FOXN3: variants seen among roughly 807,000 people sequenced by gnomAD.
FOXN3 encodes forkhead box N3, also known as forkhead box protein N3.
In FOXN3, 7 loss-of-function variants were observed where a neutral mutation model predicts 38.4. That is an observed-to-expected ratio of 0.18 (90% CI 0.10 to 0.34). The LOEUF (loss-of-function observed/expected upper bound fraction) is 0.34, where lower values mean the gene tolerates loss of function less well. Ranked by LOEUF, FOXN3 falls within the 10% of genes least tolerant of loss-of-function variation. The pLI is 1.00. For missense variants in FOXN3, 456 were observed against 613.4 expected, an observed-to-expected ratio of 0.74 and a Z score of 2.71; for synonymous variants, 230 against 242.2, an observed-to-expected ratio of 0.95 and a Z score of 0.47.
At chr14:89,222,670 A>C (rs1215112426) in intron 4 of FOXN3, among the ~76,000 whole-genome samples, 1 of 152,198 alleles carries the variant, frequency 6.6e-6, no homozygotes, top group African/African-American at 2.4e-5. Context: ...CCGGGAAGGC[A>C]GCCCCACCTT....
At chr14:89,455,147 G>T (rs892816752) in intron 1 of FOXN3, among the ~76,000 whole-genome samples, 3 of 152,314 alleles carry the variant, frequency 2.0e-5, no homozygotes, top group Non-Finnish European at 4.4e-5. Context: ...GAGATTAAAG[G>T]CCTGATGAGA....
chr14:89,335,001 A>G (rs1242284515), intron 3 of FOXN3, among the ~76,000 whole-genome samples: 1 of 151,736 alleles, frequency 6.6e-6, no homozygotes, highest in African/African-American at 2.4e-5. Context: ...TCCTGACCCC[A>G]TGATCTGCCC....
At chr14:89,470,705 G>T (rs1034325223) in intron 1 of FOXN3, among the ~76,000 whole-genome samples, 4 of 152,140 alleles carry the variant, frequency 2.6e-5, no homozygotes, top group Non-Finnish European at 5.9e-5. Context: ...CATAACTAAG[G>T]CCCCCATGGA....
intron 3 of FOXN3, among the ~76,000 whole-genome samples, chr14:89,322,525 G>A (rs1432923056): frequency 6.6e-6 from 1 of 152,156 alleles, no homozygotes; most frequent in Non-Finnish European, 1.5e-5. Context: ...GTTCTTGTCT[G>A]GAGGGGGCTG....
At chr14:89,365,105 G>A (rs987695920) in intron 2 of FOXN3, among the ~76,000 whole-genome samples, 1 of 152,152 alleles carries the variant, frequency 6.6e-6, no homozygotes, top group African/African-American at 2.4e-5. Flanking sequence ...ATTTCCCCGA[G>A]CTTCCGCTTT....
chr14:89,436,973 C>A (rs1291474939), intron 1 of FOXN3, among the ~76,000 whole-genome samples: 1 of 152,002 alleles, frequency 6.6e-6, no homozygotes, highest in East Asian at 1.9e-4. Context: ...ATGGTGAAAC[C>A]CCGTCTCTAC....
intron 2 of FOXN3, among the ~76,000 whole-genome samples, chr14:89,352,555 G>A (rs532566926): frequency 3.3e-5 from 5 of 152,240 alleles, no homozygotes; most frequent in South Asian, 4.1e-4. Flanking sequence ...GTGGAGCCCT[G>A]GGCCAGTGGG....
chr14:89,576,400 C>T (rs1330778806), intron 1 of FOXN3: 1 of 152,092 alleles, frequency 6.6e-6, no homozygotes, highest in African/African-American at 2.4e-5. Flanking sequence ...TCAAATGGTG[C>T]TCCTGTGAAG....
chr14:89,339,626 G>C (rs59411830), intron 3 of FOXN3, among the ~76,000 whole-genome samples: 3 of 152,222 alleles, frequency 2.0e-5, no homozygotes. Flanking sequence ...GCTCTACTGC[G>C]GGCAGGATCG....
At chr14:89,348,245 C>T (rs756555641) in intron 3 of FOXN3, among the ~76,000 whole-genome samples, 10 of 152,072 alleles carry the variant, frequency 6.6e-5, no homozygotes, top group Non-Finnish European at 1.3e-4. Context: ...AAGGGGCTGA[C>T]GGGTGATTCC....
intron 1 of FOXN3, 91 bp downstream of exon 1, chr14:89,416,780 G>A (rs1891745021): frequency 6.6e-6 from 1 of 152,098 alleles, no homozygotes; most frequent in South Asian, 2.1e-4. Flanking sequence ...AGAGCGGCGA[G>A]GTAGTCTCCA....
At chr14:89,529,808 A>C (rs1894518368) in intron 1 of FOXN3, among the ~76,000 whole-genome samples, 1 of 152,148 alleles carries the variant, frequency 6.6e-6, no homozygotes, top group Non-Finnish European at 1.5e-5. Context: ...TGGGAGGCTG[A>C]GGTGGGAGGA....
At chr14:89,570,679 G>A (rs1254710135) in intron 1 of FOXN3, among the ~76,000 whole-genome samples, 1 of 148,384 alleles carries the variant, frequency 6.7e-6, no homozygotes, top group Non-Finnish European at 1.5e-5. Flanking sequence ...TGAGTTTTTT[G>A]CAATTTTGGT....
intron 2 of FOXN3, among the ~76,000 whole-genome samples, chr14:89,397,110 A>G (rs905013430): frequency 1.3e-5 from 2 of 152,196 alleles, no homozygotes; most frequent in Admixed American, 6.5e-5. Flanking sequence ...AGCCATAAAC[A>G]TAAATGAGAT....
At chr14:89,430,479 G>A (rs1892131950) in intron 1 of FOXN3, among the ~76,000 whole-genome samples, 1 of 152,182 alleles carries the variant, frequency 6.6e-6, no homozygotes, top group Non-Finnish European at 1.5e-5. Context: ...TCGGTTTCCT[G>A]TTTAATATTA....
At chr14:89,359,453 A>T (rs1436218302) in intron 2 of FOXN3, among the ~76,000 whole-genome samples, 1 of 152,212 alleles carries the variant, frequency 6.6e-6, no homozygotes, top group African/African-American at 2.4e-5. Context: ...GATTTCATCT[A>T]AAAAAATTGC....
At chr14:89,477,963 G>A (rs1187187814) in intron 1 of FOXN3, among the ~76,000 whole-genome samples, 3 of 152,074 alleles carry the variant, frequency 2.0e-5, no homozygotes, top group South Asian at 4.1e-4. Context: ...GCTTCCACAA[G>A]GCCTTCAACG....
chr14:89,290,180 G>T, intron 3 of FOXN3: 1 of 205,380 alleles, frequency 4.9e-6, no homozygotes, highest in Non-Finnish European at 1.0e-5. Flanking sequence ...TTGTTTGATG[G>T]AGGGACTCAG....
chr14:89,606,858 AT>A (rs1326232503), intron 1 of FOXN3, among the ~76,000 whole-genome samples: 10 of 152,174 alleles, frequency 6.6e-5, no homozygotes, highest in African/African-American at 1.7e-4. Flanking sequence ...CAAAAAAAAA[AT>A]AAAATAAAAA....
Sources: allele counts gnomAD v4.1 joint callset (sites outside exome capture counted in the v4.1 genomes callset), GRCh38; gene constraint gnomAD v4.1.1; transcripts MANE v1.5; gene names NCBI Gene and HGNC (gene_info 2026-07-23, HGNC 2026-07-21).